Variants in ESRRB observed in about 807,000 individuals in gnomAD.
ESRRB encodes the protein estrogen related receptor beta.
Under a neutral mutation model 46.0 loss-of-function variants are expected in ESRRB, and 16 were observed. That is an observed-to-expected ratio of 0.35 (90% CI 0.24 to 0.53). The LOEUF (loss-of-function observed/expected upper bound fraction) is 0.53. Among genes scored for constraint, ESRRB ranks in the 20% least tolerant of loss-of-function variants. The pLI, the probability that ESRRB is intolerant of heterozygous loss-of-function variation, is 0.93. For synonymous variants in ESRRB, 246 were observed against 259.6 expected, an observed-to-expected ratio of 0.95 and a Z score of 0.50; for missense variants, 488 against 607.4, an observed-to-expected ratio of 0.80 and a Z score of 2.07.
chr14:76,482,929 A>G lies in ESRRB; in HGVS notation c.850+170A>G, dbSNP rs1048078442. Among the ~76,000 whole-genome samples the G allele has an allele frequency of 6.6e-6, 1 of 152,176 alleles. No homozygotes were observed. The highest frequency in any genetic ancestry group is 6.5e-5 in the Admixed American group (1 of 15,278). On this transcript the variant is annotated intron_variant, in intron 5 of 6. Transcript: ENST00000644823. This position sits in a 1 kb window ranked among gnomAD's most constrained non-coding sequence, Gnocchi z 4.3. ...CTCTTCTCTCCTTGTAGCATTGGAG[A>G]GGAACAGGTAGTTAGAAGACCCAGT...
intron 1 of ESRRB, among the ~76,000 whole-genome samples, chr14:76,378,631 G>A (rs1182106375): frequency 1.3e-5 from 2 of 152,174 alleles, no homozygotes; most frequent in Non-Finnish European, 2.9e-5. Context: ...CTGGGCAGCA[G>A]CCCAGGCATT....
intron 1 of ESRRB, among the ~76,000 whole-genome samples, chr14:76,341,706 A>AAT (rs1595049858): frequency 1.3e-5 from 2 of 152,216 alleles, no homozygotes; most frequent in East Asian, 3.8e-4. Context: ...TTAGCAAATT[A>AAT]ATAAGCCCAC....
At position 76,439,412 on chromosome 14, in the gene ESRRB, C is replaced by T. The variant is rs1412199395; in HGVS notation, c.122C>T (p.Pro41Leu). ...SSCGSFIKTE[P>L]SSPSSGIDAL... ...TGCGGCTCCTTCATCAAGACTGAGC[C>T]GTCCAGCCCGTCCTCGGGCATCGAT... Residue 41 changes from proline (P) to leucine (L), a missense_variant, in exon 2 of 7, where the codon CCG (proline) becomes CTG (leucine). Coordinates refer to ENST00000644823, the MANE Select transcript of ESRRB (RefSeq NM_001379180.1). 1.5e-5 allele frequency: 24 copies of T among 1,613,362 alleles called. No individual in the cohort carries two copies. Among genetic ancestry groups the T allele is most frequent in the Non-Finnish European group, 1.9e-5 (23 of 1,179,888 alleles).
rs189274922 is a variant in ESRRB at position 76,482,419 on chromosome 14, C to G, written c.689-179C>G. 6.6e-6 allele frequency among the ~76,000 whole-genome samples: 1 copy of G among 152,176 alleles called. No individual in the cohort carries two copies. The highest frequency in any genetic ancestry group is 1.5e-5 in the Non-Finnish European group (1 of 68,036). On this transcript the variant is annotated intron_variant, in intron 4 of 6. Transcript: ENST00000644823. This position sits in a 1 kb window ranked among gnomAD's most constrained non-coding sequence, Gnocchi z 4.3. Reference sequence around the variant, plus strand: ...CTTCCCTTGGAGGGATATTTCTCAACAGCCCAGATCACCACTACCAGCAAC... The same window carrying G: ...CTTCCCTTGGAGGGATATTTCTCAAGAGCCCAGATCACCACTACCAGCAAC...
chr14:76,439,315 G>A lies in ESRRB; in HGVS notation c.51-26G>A, dbSNP rs1887809432. 4.3e-6 allele frequency: 7 copies of A among 1,613,390 alleles called. No homozygotes were observed. In the South Asian group the frequency reaches 7.7e-5, roughly 18 times the overall value. Reference sequence around the variant, plus strand: ...ACCACACCCACAGCACCTTGCTGGGGCTGACTTCCCGATTTGTGTCCACAG... The same window carrying A: ...ACCACACCCACAGCACCTTGCTGGGACTGACTTCCCGATTTGTGTCCACAG... On this transcript the variant is annotated intron_variant, in intron 1 of 6. Coordinates refer to ENST00000644823, the MANE Select transcript of ESRRB (RefSeq NM_001379180.1).
At chr14:76,335,608 C>A (rs563665869) in intron 1 of ESRRB, among the ~76,000 whole-genome samples, 1 of 152,316 alleles carries the variant, frequency 6.6e-6, no homozygotes, top group South Asian at 2.1e-4. Flanking sequence ...CTCCATGTTT[C>A]TTTTGAGATC....
At chr14:76,432,533 G>A (rs1232760474) in intron 1 of ESRRB, among the ~76,000 whole-genome samples, 1 of 152,196 alleles carries the variant, frequency 6.6e-6, no homozygotes, top group Non-Finnish European at 1.5e-5. Context: ...AGTCACTGCA[G>A]GCTGAGTGGA....
At chr14:76,445,744 G>T (rs931655978) in intron 2 of ESRRB, among the ~76,000 whole-genome samples, 32 of 150,784 alleles carry the variant, frequency 2.1e-4, no homozygotes, top group Non-Finnish European at 1.5e-5. Flanking sequence ...GAGTTCAGTG[G>T]AGCGATCCTG....
At chr14:76,478,241 T>G (rs1056427077) in intron 3 of ESRRB, among the ~76,000 whole-genome samples, 1 of 152,176 alleles carries the variant, frequency 6.6e-6, no homozygotes, top group Non-Finnish European at 1.5e-5. Flanking sequence ...CAGTGTGCTC[T>G]GGGAGCCCAT....
chr14:76,319,209 CA>C (rs1395416828), intron 1 of ESRRB, among the ~76,000 whole-genome samples: 1 of 152,232 alleles, frequency 6.6e-6, no homozygotes, highest in Non-Finnish European at 1.5e-5. Context: ...TGCACAGGGC[CA>C]ATTCCTCTTC....
At chr14:76,324,769 A>G (rs1883907470) in intron 1 of ESRRB, among the ~76,000 whole-genome samples, 1 of 152,118 alleles carries the variant, frequency 6.6e-6, no homozygotes. Flanking sequence ...CTGTACACAA[A>G]GTAAGAAATC....
At chr14:76,358,324 AAAGAAAGAAAGAAAGAAAG>A (rs1884411645) in intron 1 of ESRRB, among the ~76,000 whole-genome samples, 7 of 7,614 alleles carry the variant, frequency 9.2e-4, no homozygotes, top group East Asian at 9.9e-3. Flanking sequence ...AAAAAAAAAA[AAAGAAAGAAAGAAAGAAAG>A]AAAGAAAGAA....
chr14:76,325,229 T>TACAGGCGTGAG (rs1295475579), intron 1 of ESRRB, among the ~76,000 whole-genome samples: 2 of 152,220 alleles, frequency 1.3e-5, no homozygotes, highest in African/African-American at 4.8e-5. Context: ...GTGCTGGGAT[T>TACAGGCGTGAG]ACAGGCGTGA....
At chr14:76,469,122 C>T (rs1261345857) in intron 3 of ESRRB, among the ~76,000 whole-genome samples, 1 of 151,968 alleles carries the variant, frequency 6.6e-6, no homozygotes, top group Non-Finnish European at 1.5e-5. Context: ...GAGATGGAGT[C>T]TCGCTCTGTT....
intron 2 of ESRRB, among the ~76,000 whole-genome samples, chr14:76,447,993 C>T (rs1044132835): frequency 2.6e-5 from 4 of 152,168 alleles, no homozygotes; most frequent in Non-Finnish European, 5.9e-5. Flanking sequence ...CGTCTCATGC[C>T]ACTCTCTTTT....
chr14:76,468,728 A>T (rs555945998), intron 3 of ESRRB, among the ~76,000 whole-genome samples: 2 of 152,090 alleles, frequency 1.3e-5, no homozygotes, highest in South Asian at 4.2e-4. Flanking sequence ...GCCTATCTTC[A>T]TCTTGCTCCC....
chr14:76,384,428 G>C (rs938399961), intron 1 of ESRRB, among the ~76,000 whole-genome samples: 4 of 152,052 alleles, frequency 2.6e-5, no homozygotes, highest in African/African-American at 9.7e-5. Context: ...AAATATCTTC[G>C]TGCAAACATA....
intron 5 of ESRRB, among the ~76,000 whole-genome samples, chr14:76,484,432 G>A (rs530397913): frequency 6.6e-6 from 1 of 152,216 alleles, no homozygotes; most frequent in African/African-American, 2.4e-5. Flanking sequence ...GTGGGGTCAG[G>A]CCACTGCTTA....
At chr14:76,319,030 G>A (rs976363725) in intron 1 of ESRRB, among the ~76,000 whole-genome samples, 3 of 152,216 alleles carry the variant, frequency 2.0e-5, no homozygotes, top group Non-Finnish European at 4.4e-5. Context: ...TCCATTGCCT[G>A]TCTGGGCTTT....
Sources: gnomAD v4.1 joint callset for allele counts (sites outside exome capture counted in the v4.1 genomes callset) on GRCh38, gnomAD v4.1.1 for gene constraint, Gnocchi (gnomAD v3.1) non-coding constraint, MANE v1.5 for transcripts, NCBI Gene and HGNC (gene_info 2026-07-23, HGNC 2026-07-21) for gene names.